Variants in FSTL4 observed in about 807,000 individuals in gnomAD.
The protein encoded by FSTL4 is follistatin like 4.
Under a neutral mutation model 78.2 loss-of-function variants are expected in FSTL4, and 28 were observed. The ratio of observed to expected loss-of-function variants is 0.36; its 90% confidence interval spans 0.27 to 0.49. The LOEUF (loss-of-function observed/expected upper bound fraction) is 0.49. FSTL4 is among the 20% of genes least tolerant of loss of function. The probability of loss-of-function intolerance (pLI) is 0.98; values close to 1 mark genes in which losing one functional copy is unlikely to be tolerated. For missense variants in FSTL4, 922 were observed against 1,084.9 expected (o/e 0.85, Z 2.11); for synonymous variants, 422 against 440.5 (o/e 0.96, Z 0.53).
At chr5:133,787,272 G>A in the FSTL4 span, among the ~76,000 whole-genome samples, 6 of 152,152 alleles carry the variant, frequency 3.9e-5, no homozygotes, top group Admixed American at 3.9e-4. Context: ...ATCTTACCTG[G>A]CAGTTCTATT....
chr5:133,810,293 G>T, the FSTL4 span, among the ~76,000 whole-genome samples: 1 of 152,334 alleles, frequency 6.6e-6, no homozygotes, highest in East Asian at 1.9e-4. Context: ...AGTTCTTCTG[G>T]CACAGCCTTC....
At chr5:133,594,193 G>C (rs1235170137) in intron 2 of FSTL4, among the ~76,000 whole-genome samples, 1 of 151,202 alleles carries the variant, frequency 6.6e-6, no homozygotes, top group African/African-American at 2.4e-5. Flanking sequence ...AAGCAGAGAA[G>C]CCTACTTTGT....
At chr5:133,818,034 C>T in the FSTL4 span, among the ~76,000 whole-genome samples, 8 of 152,340 alleles carry the variant, frequency 5.3e-5, no homozygotes, top group African/African-American at 1.7e-4. Context: ...AACATGGCAA[C>T]CTTATCCAAG....
At position 133,224,014 on chromosome 5, in the gene FSTL4, AG is replaced by A. The variant is rs560904021; in HGVS notation, c.1339+175del. 96 of 546,708 alleles carry A rather than the reference AG, an allele frequency of 1.8e-4. 1 individual carries two copies. The South Asian group carries it at 2.3e-3, about 13-fold the overall frequency. The allele number at this position is 546,708 out of a possible 1,614,324, so 33.9% of individuals were successfully genotyped here. ...CATTTAAAAATTTCTCATTAAAGAC[AG>A]GAGTACATTTTAAATTTGATTCAAT... On this transcript the variant is annotated intron_variant, in intron 11 of 15. Coordinates refer to ENST00000265342, the MANE Select transcript of FSTL4 (RefSeq NM_015082.2).
rs185402308 is a variant in FSTL4, at chr5:133,537,193, A to G, written c.160+29993T>C. 2.3e-3 allele frequency among the ~76,000 whole-genome samples: 355 copies of G among 152,326 alleles called. 3 individuals are homozygous for G. Among genetic ancestry groups the G allele is most frequent in the African/African-American group, 8.4e-3 (350 of 41,574 alleles). ...TCAAATTACACACACTCATTCATAT[A>G]CTTTCTATAACAAGTTAATACACTG... is the stretch of plus-strand genomic sequence containing the variant. On this transcript the variant is annotated intron_variant, in intron 3 of 15. Coordinates refer to ENST00000265342, the MANE Select transcript of FSTL4 (RefSeq NM_015082.2).
chr5:133,683,407 G>T, the FSTL4 span, among the ~76,000 whole-genome samples: 1 of 152,048 alleles, frequency 6.6e-6, no homozygotes, highest in African/African-American at 2.4e-5. Flanking sequence ...ATAGACAAAC[G>T]GATGTTTTAA....
chr5:133,757,079 T>C, the FSTL4 span, among the ~76,000 whole-genome samples: 1 of 152,200 alleles, frequency 6.6e-6, no homozygotes, highest in Non-Finnish European at 1.5e-5. Flanking sequence ...ACTCTAGAAT[T>C]GCCAGGCCCC....
At chr5:133,235,542 G>C (rs1581554941) in intron 7 of FSTL4, among the ~76,000 whole-genome samples, 1 of 151,702 alleles carries the variant, frequency 6.6e-6, no homozygotes, top group Admixed American at 6.6e-5. Context: ...TAATTAGCTG[G>C]ATGAAGGGGT....
At chr5:133,541,286 C>T (rs1759467595) in intron 3 of FSTL4, among the ~76,000 whole-genome samples, 1 of 152,182 alleles carries the variant, frequency 6.6e-6, no homozygotes, top group South Asian at 2.1e-4. Context: ...CTGTTGGGGG[C>T]TGATGTGGCA....
chr5:133,650,347 T>C, the FSTL4 span, among the ~76,000 whole-genome samples: 1 of 152,232 alleles, frequency 6.6e-6, no homozygotes, highest in African/African-American at 2.4e-5. Flanking sequence ...TTTGATGTTA[T>C]ATCTAGAAAG....
chr5:133,561,486 A>G (rs1378283234), intron 3 of FSTL4, among the ~76,000 whole-genome samples: 4 of 152,132 alleles, frequency 2.6e-5, no homozygotes, highest in Non-Finnish European at 4.4e-5. Context: ...TTCTGGGGGA[A>G]AAGTTTCACC....
At position 133,201,964 on chromosome 5, in the gene FSTL4, G is replaced by T; in HGVS notation, c.1795C>A (p.Pro599Thr). The T allele has an allele frequency of 6.2e-7, 1 of 1,610,256 alleles. No individual in the cohort carries two copies. The highest frequency in any genetic ancestry group is 8.5e-7 in the Non-Finnish European group (1 of 1,177,434). ...PFAGVDDFFI[P>T]PTNLIINHIR... ...TGGTTGATGATGAGGTTTGTTGGGGGAATGAAGAAATCATCCACTCCTGCA... is the reference window on the plus strand; with the variant it reads ...TGGTTGATGATGAGGTTTGTTGGGGTAATGAAGAAATCATCCACTCCTGCA... Residue 599 changes from proline (P) to threonine (T), a missense_variant, in exon 15 of 16, where the codon CCC becomes ACC. Physicochemically the swap from Pro to Thr is conservative, Grantham distance 38 (BLOSUM62 -1). Transcript: ENST00000265342.
the FSTL4 span, among the ~76,000 whole-genome samples, chr5:133,808,075 C>T: frequency 1.3e-5 from 2 of 152,202 alleles, no homozygotes; most frequent in African/African-American, 2.4e-5. Context: ...TTAGATTACA[C>T]AGAGAACTTC....
the FSTL4 span, among the ~76,000 whole-genome samples, chr5:133,756,187 A>G: frequency 6.6e-6 from 1 of 152,032 alleles, no homozygotes; most frequent in African/African-American, 2.4e-5. Flanking sequence ...GGAGATGCAC[A>G]GACACCTCAG....
chr5:133,701,509 A>ACACCCCCC, the FSTL4 span, among the ~76,000 whole-genome samples: 1,492 of 132,248 alleles, frequency 0.011, 18 homozygotes, highest in Admixed American at 0.019. Flanking sequence ...ACACACACAC[A>ACACCCCCC]CCCCACAGGC....
chr5:133,490,369 G>GT (rs35271238), intron 3 of FSTL4, among the ~76,000 whole-genome samples: 2,524 of 142,432 alleles, frequency 0.018, 166 homozygotes, highest in Admixed American at 0.14. Context: ...AATTTTAAAA[G>GT]TTTTTTTTTT....
chr5:133,212,814 T>C (rs1213352373), intron 13 of FSTL4, among the ~76,000 whole-genome samples: 1 of 152,074 alleles, frequency 6.6e-6, no homozygotes, highest in South Asian at 2.1e-4. Flanking sequence ...AAGAATGCCA[T>C]ATGCACACAC....
intron 11 of FSTL4, among the ~76,000 whole-genome samples, chr5:133,222,283 C>T (rs1446922608): frequency 2.0e-5 from 3 of 152,076 alleles, no homozygotes; most frequent in South Asian, 2.1e-4. Flanking sequence ...GAATCAGGGG[C>T]GCTGGGCAGC....
chr5:133,522,501 T>TG (rs1759001094), intron 3 of FSTL4, among the ~76,000 whole-genome samples: 1 of 152,264 alleles, frequency 6.6e-6, no homozygotes, highest in Admixed American at 6.5e-5. Context: ...TGTTTATTTC[T>TG]GGACCTTCTC....
Sources: allele counts gnomAD v4.1 joint callset (sites outside exome capture counted in the v4.1 genomes callset), GRCh38; gene constraint gnomAD v4.1.1; transcripts MANE v1.5; gene names NCBI Gene and HGNC (gene_info 2026-07-23, HGNC 2026-07-21).